DPH6: variants seen among roughly 807,000 people sequenced by gnomAD.
The protein encoded by DPH6 is diphthine--ammonia ligase.
A neutral mutation model predicts 38.2 loss-of-function variants in DPH6; 33 were observed. The observed-to-expected ratio is 0.86, with a 90% CI of 0.65 to 1.15. DPH6 has a LOEUF of 1.15. DPH6 is among the 50% of genes most tolerant of loss of function. The pLI, the probability that DPH6 is intolerant of heterozygous loss-of-function variation, is 0.00. For missense variants in DPH6, 325 were observed against 320.0 expected, an observed-to-expected ratio of 1.02 and a Z score of -0.12; for synonymous variants, 108 against 103.0, an observed-to-expected ratio of 1.05 and a Z score of -0.30.
At chr15:35,541,890 G>A (rs569841450) in intron 2 of DPH6, among the ~76,000 whole-genome samples, 1 of 152,212 alleles carries the variant, frequency 6.6e-6, no homozygotes, top group South Asian at 2.1e-4. Context: ...ACAGACAAAT[G>A]AAAAGTGGGA....
intron 6 of DPH6, among the ~76,000 whole-genome samples, chr15:35,404,918 G>C (rs1293272310): frequency 6.6e-6 from 1 of 152,042 alleles, no homozygotes; most frequent in Non-Finnish European, 1.5e-5. Context: ...GAGAGAGAGG[G>C]ATCAAGTTTT....
chr15:35,439,768 G>C (rs1184733106), intron 5 of DPH6, among the ~76,000 whole-genome samples: 1 of 151,704 alleles, frequency 6.6e-6, no homozygotes, highest in Non-Finnish European at 1.5e-5. Context: ...CCCATGGCAG[G>C]GCTTGGCTTT....
At chr15:35,362,346 A>T (rs1187150705) in intron 3 of DPH6, among the ~76,000 whole-genome samples, 1 of 152,114 alleles carries the variant, frequency 6.6e-6, no homozygotes, top group Non-Finnish European at 1.5e-5. Context: ...AAAACATGTC[A>T]GTTCTGTCAG....
At chr15:35,259,520 TTA>T (rs1282098195) in intron 3 of DPH6, among the ~76,000 whole-genome samples, 1 of 152,150 alleles carries the variant, frequency 6.6e-6, no homozygotes, top group Non-Finnish European at 1.5e-5. Context: ...CTTCACAGCA[TTA>T]GCTCTAGAAC....
intron 6 of DPH6, among the ~76,000 whole-genome samples, chr15:35,405,468 T>A (rs1387767217): frequency 6.6e-6 from 1 of 152,130 alleles, no homozygotes; most frequent in Non-Finnish European, 1.5e-5. Context: ...GTGGCTATTG[T>A]AAATGGGATT....
the DPH6 span, among the ~76,000 whole-genome samples, chr15:35,190,230 C>T: frequency 3.9e-5 from 6 of 152,292 alleles, no homozygotes; most frequent in Admixed American, 1.3e-4. Flanking sequence ...TCTCCTTGCC[C>T]GCTGCCTAGA....
intron 3 of DPH6, among the ~76,000 whole-genome samples, chr15:35,351,502 T>C (rs556352168): frequency 2.6e-5 from 4 of 152,148 alleles, no homozygotes; most frequent in Non-Finnish European, 5.9e-5. Flanking sequence ...CATGTTGACT[T>C]GTGATTTGAT....
At chr15:35,338,169 A>G (rs2052389126) in intron 3 of DPH6, among the ~76,000 whole-genome samples, 1 of 152,236 alleles carries the variant, frequency 6.6e-6, no homozygotes, top group Non-Finnish European at 1.5e-5. Flanking sequence ...ACAAAAGCCA[A>G]AACTGACAAA....
intron 3 of DPH6, among the ~76,000 whole-genome samples, chr15:35,492,361 T>G (rs1232504100): frequency 6.6e-6 from 1 of 152,120 alleles, no homozygotes; most frequent in Non-Finnish European, 1.5e-5. Context: ...CAGAGGACAA[T>G]AAAGGAAGAT....
At chr15:35,156,380 T>C in the DPH6 span, among the ~76,000 whole-genome samples, 1 of 152,162 alleles carries the variant, frequency 6.6e-6, no homozygotes, top group African/African-American at 2.4e-5. Context: ...TTAGAAATAG[T>C]ATGATATAAA....
At chr15:35,475,919 A>G (rs2054258670) in intron 3 of DPH6, among the ~76,000 whole-genome samples, 1 of 151,918 alleles carries the variant, frequency 6.6e-6, no homozygotes, top group African/African-American at 2.4e-5. Context: ...GAGAAAAGAT[A>G]CATGAATAGA....
At chr15:35,212,732 T>A (rs1227611203), downstream of DPH6, among the ~76,000 whole-genome samples, 1 of 152,192 alleles carries the variant, frequency 6.6e-6, no homozygotes, top group Non-Finnish European at 1.5e-5. Context: ...TAAAACTGAG[T>A]ATTGTACTTC....
intron 3 of DPH6, among the ~76,000 whole-genome samples, chr15:35,285,872 G>GTTTTTTGTTTTTTTTTTTT (rs2051938461): frequency 1.9e-5 from 1 of 52,794 alleles, no homozygotes; most frequent in Non-Finnish European, 3.3e-5. Flanking sequence ...TTATCTTTGA[G>GTTTTTTGTTTTTTTTTTTT]TTTTTTTTTT....
the DPH6 span, among the ~76,000 whole-genome samples, chr15:35,161,593 G>A: frequency 5.3e-5 from 8 of 151,944 alleles, no homozygotes; most frequent in African/African-American, 9.7e-5. Flanking sequence ...GAGCTTTTGG[G>A]AAGTAATTAA....
chr15:35,192,273 G>A, the DPH6 span, among the ~76,000 whole-genome samples: 1 of 152,128 alleles, frequency 6.6e-6, no homozygotes, highest in Non-Finnish European at 1.5e-5. Flanking sequence ...AGTAATAGAA[G>A]GGAATAATAG....
chr15:35,542,615 T>C (rs2055270039), intron 1 of DPH6, 108 bp from the exon 2 acceptor site: 9 of 1,058,554 alleles, frequency 8.5e-6, no homozygotes, highest in Admixed American at 6.6e-5. Flanking sequence ...CTCTTCAGAA[T>C]ATATTACAAT....
chr15:35,383,658 G>C (rs1330742136), intron 6 of DPH6, among the ~76,000 whole-genome samples: 1 of 152,112 alleles, frequency 6.6e-6, no homozygotes, highest in Admixed American at 6.6e-5. Context: ...CAAGAAATTG[G>C]GATAAAGAAC....
chr15:35,535,844 T>C (rs1162627398), intron 3 of DPH6, among the ~76,000 whole-genome samples: 1 of 152,138 alleles, frequency 6.6e-6, no homozygotes, highest in Non-Finnish European at 1.5e-5. Flanking sequence ...AAAATAGTTA[T>C]GAAACATAAC....
intron 3 of DPH6, among the ~76,000 whole-genome samples, chr15:35,238,959 G>C (rs11639024): frequency 0.14 from 20,579 of 145,972 alleles, 2,681 homozygotes; most frequent in African/African-American, 0.34. Context: ...TCCCTTTGCT[G>C]ACTCTCTTTT....
Sources: gnomAD v4.1 joint callset for allele counts (sites outside exome capture counted in the v4.1 genomes callset) on GRCh38, gnomAD v4.1.1 for gene constraint, MANE v1.5 for transcripts, NCBI Gene and HGNC (gene_info 2026-07-23, HGNC 2026-07-21) for gene names.